The following TMEM131L variants were observed in gnomAD, a reference collection of about 807,000 sequenced individuals.
TMEM131L encodes the protein transmembrane 131 like.
TMEM131L carries 54 observed loss-of-function variants against 192.2 expected under a neutral mutation model. That is an observed-to-expected ratio of 0.28 (90% CI 0.23 to 0.35). TMEM131L has a LOEUF of 0.35. TMEM131L is among the 10% of genes least tolerant of loss of function. The pLI is 1.00. For missense variants in TMEM131L, 1,888 were observed against 1,972.9 expected, an observed-to-expected ratio of 0.96 and a Z score of 0.82; for synonymous variants, 701 against 704.9, an observed-to-expected ratio of 0.99 and a Z score of 0.09.
chr4:153,563,439 GA>G (rs1728973099), intron 7 of TMEM131L, among the ~76,000 whole-genome samples: 1 of 137,436 alleles, frequency 7.3e-6, no homozygotes, highest in African/African-American at 2.6e-5. Flanking sequence ...AAAGCAGTGA[GA>G]AAACGGATAT....
chr4:153,539,807 T>TG (rs1475185979), intron 3 of TMEM131L, among the ~76,000 whole-genome samples: 1 of 126,710 alleles, frequency 7.9e-6, no homozygotes, highest in Non-Finnish European at 1.6e-5. Context: ...TATTGGGACT[T>TG]TAAAAAAAAA....
intron 3 of TMEM131L, among the ~76,000 whole-genome samples, chr4:153,492,215 A>G (rs1434513788): frequency 6.6e-6 from 1 of 151,758 alleles, no homozygotes; most frequent in Non-Finnish European, 1.5e-5. Flanking sequence ...AGGTCTCACT[A>G]TGTTGCCCAG....
chr4:153,467,646 T>G (rs1442598006), intron 2 of TMEM131L, among the ~76,000 whole-genome samples: 1 of 152,238 alleles, frequency 6.6e-6, no homozygotes, highest in Non-Finnish European at 1.5e-5. Flanking sequence ...ACAGGAGTAT[T>G]GATTTCATAA....
Position 153,636,670 on chromosome 4 carries a change from ATAT to A in TMEM131L, c.*96_*98del. The A allele has an allele frequency of 7.9e-7, 1 of 1,259,896 alleles. No individual in the cohort carries two copies. The highest frequency in any genetic ancestry group is 1.1e-6 in the Non-Finnish European group (1 of 911,382). 78.0% of individuals were successfully genotyped at this position (1,259,896 alleles called of 1,614,324 possible). A position where few individuals can be genotyped will look rare whatever the true frequency, so the allele number is the denominator to read the frequency against. ...TTGAGATAGATTATGACATTGGTGG[ATAT>A]TTTGGCACTTTTATATGAAAATAAA... On this transcript the variant is annotated 3_prime_UTR_variant, in exon 35 of 35. Coordinates refer to ENST00000409959, the MANE Select transcript of TMEM131L (RefSeq NM_001131007.2).
At chr4:153,557,199 T>C in intron 6 of TMEM131L, 117 bp downstream of exon 6, 1 of 651,352 alleles carries the variant, frequency 1.5e-6, no homozygotes, top group South Asian at 1.8e-5. Flanking sequence ...GTCGTTAAAA[T>C]ACAAGACTGT....
At chr4:153,623,788 G>C (rs1181795885) in intron 29 of TMEM131L, among the ~76,000 whole-genome samples, 1 of 152,106 alleles carries the variant, frequency 6.6e-6, no homozygotes, top group East Asian at 1.9e-4. Flanking sequence ...GTGAACATTG[G>C]CTGTCCCTTA....
At chr4:153,580,187 A>G (rs1383218321) in intron 7 of TMEM131L, among the ~76,000 whole-genome samples, 2 of 151,928 alleles carry the variant, frequency 1.3e-5, no homozygotes, top group Non-Finnish European at 2.9e-5. Flanking sequence ...TTGATTTTTC[A>G]TTTTCCTTTT....
At chr4:153,565,445 T>G (rs77175794) in intron 7 of TMEM131L, among the ~76,000 whole-genome samples, 1,638 of 152,354 alleles carry the variant, frequency 0.011, 30 homozygotes, top group African/African-American at 0.037. Flanking sequence ...TAGAATGGAC[T>G]TAGAGTTTAA....
intron 3 of TMEM131L, among the ~76,000 whole-genome samples, chr4:153,534,770 C>T (rs1053937438): frequency 6.6e-6 from 1 of 152,142 alleles, no homozygotes; most frequent in African/African-American, 2.4e-5. Flanking sequence ...GGGAGTTTGC[C>T]ATGAGGCTGT....
intron 19 of TMEM131L, among the ~76,000 whole-genome samples, chr4:153,595,007 A>G (rs1302311996): frequency 6.6e-6 from 1 of 152,222 alleles, no homozygotes; most frequent in Non-Finnish European, 1.5e-5. Context: ...AGATGTGAAC[A>G]AATGATGTAA....
In TMEM131L at chr4:153,632,498, G is replaced by A. The variant is rs981580615; in HGVS notation, c.4208-220G>A. ...ATATTTGTTATGTGAGTCTCATCTT[G>A]TCATCCAGGTCAAGAGACAATCGGA... On this transcript the variant is annotated intron_variant, in intron 31 of 34. Transcript: ENST00000409959. The A allele has an allele frequency of 1.5e-5, 8 of 522,698 alleles. No homozygotes were observed. The African/African-American group carries it at 1.5e-4, about 10-fold the overall frequency. 32.4% of individuals were successfully genotyped at this position (522,698 alleles called of 1,614,324 possible).
intron 2 of TMEM131L, 65 bp downstream of exon 2, chr4:153,467,346 G>A: frequency 7.3e-7 from 1 of 1,374,244 alleles, no homozygotes; most frequent in South Asian, 1.2e-5. Context: ...GGAGGCCCCC[G>A]GTCCTCCCCA....
chr4:153,581,305 C>A, intron 8 of TMEM131L, 102 bp from the exon 9 acceptor site: 3 of 841,782 alleles, frequency 3.6e-6, no homozygotes, highest in Non-Finnish European at 5.5e-6. Context: ...TGTTCTCACA[C>A]ACGTCCCATT....
At chr4:153,534,885 T>A (rs1177268335) in intron 3 of TMEM131L, among the ~76,000 whole-genome samples, 1 of 152,200 alleles carries the variant, frequency 6.6e-6, no homozygotes, top group Non-Finnish European at 1.5e-5. Context: ...AAGACCCTTG[T>A]GGTGAGAGCA....
rs764596866 is a variant in TMEM131L, at chr4:153,466,532, C to A, written c.124+11C>A. The A allele has an allele frequency of 3.0e-6, 4 of 1,333,090 alleles. No individual in the cohort carries two copies. The East Asian group carries it at 9.2e-5, about 31-fold the overall frequency. 82.6% of individuals were successfully genotyped at this position (1,333,090 alleles called of 1,614,324 possible). A position where few individuals can be genotyped will look rare whatever the true frequency, so the allele number is the denominator to read the frequency against. On this transcript the variant is annotated intron_variant, in intron 1 of 34. Coordinates refer to ENST00000409959, the MANE Select transcript of TMEM131L (RefSeq NM_001131007.2). ...GGGCTCAGGGACAAGGTCAGCCTTG[C>A]GCCGCTGGGCTCGCTCTGCCTCTCC...
intron 7 of TMEM131L, 127 bp downstream of exon 7, chr4:153,558,495 A>G (rs1484904565): frequency 2.0e-6 from 1 of 496,454 alleles, no homozygotes. Flanking sequence ...TATATAAAAT[A>G]TCAGTGGATT....
At position 153,500,716 on chromosome 4, in the gene TMEM131L, A is replaced by G. The variant is rs181666988; in HGVS notation, c.239+26828A>G. Reference sequence around the variant, plus strand: ...AATGAATTGCCTTCTTTAAAATACAAATATTTACATTTGGCCTTGTTAAGC... The same window carrying G: ...AATGAATTGCCTTCTTTAAAATACAGATATTTACATTTGGCCTTGTTAAGC... On this transcript the variant is annotated intron_variant, in intron 3 of 34. Coordinates refer to ENST00000409959, the MANE Select transcript of TMEM131L (RefSeq NM_001131007.2). Among the ~76,000 whole-genome samples, 42 of 152,338 alleles carry G rather than the reference A, an allele frequency of 2.8e-4. 1 individual carries two copies. Among genetic ancestry groups the G allele is most frequent in the Admixed American group, 8.5e-4 (13 of 15,306 alleles).
At chr4:153,560,857 G>A (rs1214777558) in intron 7 of TMEM131L, among the ~76,000 whole-genome samples, 1 of 152,146 alleles carries the variant, frequency 6.6e-6, no homozygotes, top group Non-Finnish European at 1.5e-5. Context: ...GTGTAAGTTT[G>A]GGTGGACATA....
intron 3 of TMEM131L, among the ~76,000 whole-genome samples, chr4:153,516,930 G>A (rs562660965): frequency 2.0e-5 from 3 of 152,190 alleles, no homozygotes; most frequent in South Asian, 2.1e-4. Flanking sequence ...GGGTTCCAAC[G>A]ATTCTCCTGC....
Sources: gnomAD v4.1 joint callset for allele counts (sites outside exome capture counted in the v4.1 genomes callset) on GRCh38, gnomAD v4.1.1 for gene constraint, MANE v1.5 for transcripts, NCBI Gene and HGNC (gene_info 2026-07-23, HGNC 2026-07-21) for gene names.